DYRK4: variants seen among roughly 807,000 people sequenced by gnomAD.
The protein encoded by DYRK4 is dual specificity tyrosine-phosphorylation-regulated kinase 4.
A neutral mutation model predicts 68.3 loss-of-function variants in DYRK4; 64 were observed. The observed-to-expected ratio is 0.94, with a 90% CI of 0.77 to 1.15. The LOEUF is 1.15. Ranked by LOEUF, DYRK4 falls within the 50% of genes most tolerant of loss-of-function variation. DYRK4 has a pLI of 0.00. For synonymous variants in DYRK4, 274 were observed against 289.9 expected (o/e 0.95, Z 0.56); for missense variants, 740 against 764.7 (o/e 0.97, Z 0.38).
chr12:4,596,802 A>C, intron 8 of DYRK4, 73 bp downstream of exon 8: 3 of 1,593,322 alleles, frequency 1.9e-6, no homozygotes, highest in Non-Finnish European at 2.6e-6. Flanking sequence ...AGGTCAGAAC[A>C]CTAGATTTCT....
chr12:4,575,629 G>C (rs1272543890), intron 2 of DYRK4, among the ~76,000 whole-genome samples: 1 of 150,422 alleles, frequency 6.6e-6, no homozygotes, highest in East Asian at 1.9e-4. Flanking sequence ...ATTTTAATGT[G>C]CATTTTGATG....
At chr12:4,610,867 T>G (rs1591810273) in intron 13 of DYRK4, among the ~76,000 whole-genome samples, 1 of 152,226 alleles carries the variant, frequency 6.6e-6, no homozygotes, top group East Asian at 1.9e-4. Context: ...ACTTAAGTCG[T>G]AGTACCCAGC....
intron 2 of DYRK4, among the ~76,000 whole-genome samples, chr12:4,575,117 A>G (rs1197116163): frequency 6.6e-6 from 1 of 152,228 alleles, no homozygotes; most frequent in African/African-American, 2.4e-5. Flanking sequence ...CAGGAGGGGA[A>G]CCGCTGGGTA....
At chr12:4,582,675 TG>T (rs1225467804) in intron 2 of DYRK4, among the ~76,000 whole-genome samples, 1 of 152,070 alleles carries the variant, frequency 6.6e-6, no homozygotes, top group South Asian at 2.1e-4. Flanking sequence ...GGGTGAACGA[TG>T]GGGACATGGA....
chr12:4,608,896 C>G (rs1285421394), intron 12 of DYRK4, among the ~76,000 whole-genome samples: 1 of 152,186 alleles, frequency 6.6e-6, no homozygotes, highest in East Asian at 1.9e-4. Context: ...GGCTGGCTCC[C>G]CAGTATAATT....
intron 8 of DYRK4, among the ~76,000 whole-genome samples, chr12:4,597,544 C>T (rs1041457340): frequency 6.6e-6 from 1 of 152,178 alleles, no homozygotes; most frequent in African/African-American, 2.4e-5. Flanking sequence ...TCTCTGTGGC[C>T]AAATGGACAG....
chr12:4,594,814 C>T (rs906342556), intron 6 of DYRK4, among the ~76,000 whole-genome samples: 1 of 151,784 alleles, frequency 6.6e-6, no homozygotes, highest in African/African-American at 2.4e-5. Context: ...CACACAAATA[C>T]ATACTGCACA....
At chr12:4,562,701 C>T (rs894507094) in intron 1 of DYRK4, among the ~76,000 whole-genome samples, 64 of 152,238 alleles carry the variant, frequency 4.2e-4, no homozygotes, top group Admixed American at 7.8e-4. Context: ...GGGTCCACGA[C>T]CACACGCCTC....
At chr12:4,610,507 ACG>A (rs1197830173) in intron 13 of DYRK4, 1 of 393,208 alleles carries the variant, frequency 2.5e-6, no homozygotes, top group Non-Finnish European at 4.5e-6. Context: ...TCTGTTTTGC[ACG>A]TATGGAGGTT....
intron 2 of DYRK4, among the ~76,000 whole-genome samples, chr12:4,574,921 T>C (rs1451861162): frequency 6.6e-6 from 1 of 152,224 alleles, no homozygotes; most frequent in African/African-American, 2.4e-5. Context: ...TTTCACCTTG[T>C]TGGCCAGACT....
chr12:4,595,495 C>T (rs1323745791), intron 6 of DYRK4, among the ~76,000 whole-genome samples: 1 of 152,190 alleles, frequency 6.6e-6, no homozygotes, highest in African/African-American at 2.4e-5. Context: ...ACCCCCTGCT[C>T]CCTAGTTTCC....
At chr12:4,605,688 C>T (rs12307552) in intron 11 of DYRK4, among the ~76,000 whole-genome samples, 3 of 124,920 alleles carry the variant, frequency 2.4e-5, no homozygotes, top group Admixed American at 1.7e-4. Context: ...AATGTGAAAT[C>T]TTATTGGGCA....
rs560729058 is a variant in DYRK4 at position 4,612,920 on chromosome 12, A to G, written c.1666+202A>G. 1.0e-4 allele frequency: 56 copies of G among 549,926 alleles called. 1 individual carries two copies. The African/African-American group carries it at 1.0e-3, about 10-fold the overall frequency. 34.1% of individuals were successfully genotyped at this position (549,926 alleles called of 1,614,324 possible). ...TCAATTTCTCTAACCTCAACCTGGG[A>G]TAATTCTTGTGGCTACATCATGACT... On this transcript the variant is annotated intron_variant, in intron 14 of 14. Transcript: ENST00000543431.
At chr12:4,562,343 C>G (rs147938870) in intron 1 of DYRK4, 60 bp downstream of exon 1, 13 of 1,500,108 alleles carry the variant, frequency 8.7e-6, no homozygotes, top group Non-Finnish European at 1.2e-5. Flanking sequence ...AGGCAGGCGA[C>G]GAAGCTTCTG....
At chr12:4,586,794 A>G (rs1944902285) in intron 2 of DYRK4, among the ~76,000 whole-genome samples, 1 of 152,068 alleles carries the variant, frequency 6.6e-6, no homozygotes, top group African/African-American at 2.4e-5. Flanking sequence ...TTTCCTGTTC[A>G]TGGGAAATGA....
intron 2 of DYRK4, among the ~76,000 whole-genome samples, chr12:4,588,228 CT>C (rs563351232): frequency 3.4e-5 from 5 of 148,964 alleles, no homozygotes; most frequent in Non-Finnish European, 4.5e-5. Context: ...CCTGGCCTTA[CT>C]TTTTTTTTTA....
intron 2 of DYRK4, among the ~76,000 whole-genome samples, chr12:4,578,230 C>T (rs1039780499): frequency 6.6e-6 from 1 of 152,116 alleles, no homozygotes; most frequent in Non-Finnish European, 1.5e-5. Context: ...TTCTTTTCTT[C>T]TGAAACTCAA....
intron 2 of DYRK4, among the ~76,000 whole-genome samples, chr12:4,582,823 G>A (rs1307487006): frequency 6.6e-6 from 1 of 152,176 alleles, no homozygotes; most frequent in South Asian, 2.1e-4. Context: ...CAAAAGGCAG[G>A]GGTAGGGCCA....
intron 6 of DYRK4, among the ~76,000 whole-genome samples, chr12:4,594,888 T>C (rs138028002): frequency 6.6e-6 from 1 of 152,200 alleles, no homozygotes; most frequent in Admixed American, 6.5e-5. Context: ...CAAATGTTAA[T>C]TGAATGCCTA....
Sources: allele counts gnomAD v4.1 joint callset (sites outside exome capture counted in the v4.1 genomes callset), GRCh38; gene constraint gnomAD v4.1.1; transcripts MANE v1.5; gene names NCBI Gene and HGNC (gene_info 2026-07-23, HGNC 2026-07-21).